Variants in STARD5 observed in about 807,000 individuals in gnomAD.
The protein encoded by STARD5 is StAR related lipid transfer domain containing 5, also known as stAR-related lipid transfer protein 5.
Under a neutral mutation model 24.6 loss-of-function variants are expected in STARD5, and 26 were observed. The observed-to-expected ratio is 1.06, with a 90% CI of 0.77 to 1.47. STARD5 has a LOEUF of 1.47. Among genes scored for constraint, STARD5 ranks in the 40% most tolerant of loss-of-function variants. The pLI is 0.00. For missense variants in STARD5, 254 were observed against 270.8 expected (o/e 0.94, Z 0.44); for synonymous variants, 101 against 99.7 (o/e 1.01, Z -0.07).
In STARD5 at chr15:81,319,296, G is replaced by A. The variant is rs118161618; in HGVS notation, c.400+43C>T. On this transcript the variant is annotated intron_variant, in intron 4 of 5. Coordinates refer to ENST00000302824, the MANE Select transcript of STARD5 (RefSeq NM_181900.3). ...CTGTGGGGTGCAGAAGAGAAAGCTC[G>A]ATATCGCAGGAAGGCATGGCAGCTC... 7.4e-3 allele frequency: 11,301 copies of A among 1,531,366 alleles called. 63 individuals are homozygous for A. The highest frequency in any genetic ancestry group is 9.4e-3 in the Middle Eastern group (56 of 5,928). 94.9% of individuals were successfully genotyped at this position (1,531,366 alleles called of 1,614,324 possible).
At chr15:81,321,746 A>G (rs1170986068) in intron 3 of STARD5, among the ~76,000 whole-genome samples, 2 of 152,204 alleles carry the variant, frequency 1.3e-5, no homozygotes, top group Admixed American at 6.5e-5. Flanking sequence ...TCAGAGGGCT[A>G]TGTGGAATGG....
intron 4 of STARD5, 44 bp downstream of exon 4, chr15:81,319,295 C>A: frequency 1.3e-6 from 2 of 1,532,794 alleles, no homozygotes; most frequent in South Asian, 2.2e-5. Flanking sequence ...AGAGAAAGCT[C>A]GATATCGCAG....
chr15:81,322,181 C>T (rs1010299007), intron 3 of STARD5, among the ~76,000 whole-genome samples: 4 of 152,206 alleles, frequency 2.6e-5, no homozygotes, highest in Non-Finnish European at 5.9e-5. Flanking sequence ...GTATGCTCCC[C>T]GCAGAGACTC....
intron 5 of STARD5, among the ~76,000 whole-genome samples, chr15:81,314,893 G>GAAAAAAAAAA (rs5814055): frequency 9.6e-6 from 1 of 104,024 alleles, no homozygotes; most frequent in Non-Finnish European, 1.9e-5. Flanking sequence ...CCTCAAAAAA[G>GAAAAAAAAAA]AAAAAAAAAA....
chr15:81,318,572 T>C (rs1341238115), intron 4 of STARD5, 70 bp from the exon 5 acceptor site: 8 of 1,398,838 alleles, frequency 5.7e-6, no homozygotes, highest in African/African-American at 4.3e-5. Context: ...TGGGGTGCCA[T>C]AGAGCACACA....
At chr15:81,313,995 CTT>C (rs1901007415) in intron 5 of STARD5, 1 of 152,066 alleles carries the variant, frequency 6.6e-6, no homozygotes, top group Non-Finnish European at 1.5e-5. Context: ...CAATGCCACT[CTT>C]TTCACAGTAT....
At chr15:81,314,745 G>A (rs1195842270) in intron 5 of STARD5, among the ~76,000 whole-genome samples, 1 of 152,046 alleles carries the variant, frequency 6.6e-6, no homozygotes, top group African/African-American at 2.4e-5. Flanking sequence ...AGTTAGCCAG[G>A]CATAGTGGCA....
intron 1 of STARD5, 85 bp from the exon 2 acceptor site, chr15:81,323,033 G>T (rs917711177): frequency 4.8e-6 from 7 of 1,469,974 alleles, no homozygotes; most frequent in Non-Finnish European, 6.6e-6. Context: ...CAGAAGAGGG[G>T]TAAGAGGCCT....
At chr15:81,314,898 A>AAG (rs1901044375) in intron 5 of STARD5, among the ~76,000 whole-genome samples, 1 of 147,858 alleles carries the variant, frequency 6.8e-6, no homozygotes, top group Non-Finnish European at 1.5e-5. Flanking sequence ...AAAAAGAAAA[A>AAG]AAAAAAAAAA....
In STARD5 at chr15:81,319,187, TC is replaced by T. The variant is rs1263692036; in HGVS notation, c.400+151del. The T allele has an allele frequency of 1.1e-5, 8 of 705,226 alleles. No individual in the cohort carries two copies. In the East Asian group the frequency reaches 1.8e-4, roughly 15 times the overall value. 43.7% of individuals were successfully genotyped at this position (705,226 alleles called of 1,614,324 possible). ...TGCGTCAGACCCCCATGGCCCTGAG[TC>T]CCCCCAAACCCAACCAGATGAGGTA... On this transcript the variant is annotated intron_variant, in intron 4 of 5. Transcript: ENST00000302824.
intron 5 of STARD5, chr15:81,313,772 A>G (rs1900993453): frequency 6.2e-6 from 1 of 161,046 alleles, no homozygotes; most frequent in East Asian, 1.7e-4. Context: ...AGGGTCTGCA[A>G]CCTCCTGGGG....
At chr15:81,321,407 C>T (rs372566375) in intron 3 of STARD5, among the ~76,000 whole-genome samples, 3 of 151,936 alleles carry the variant, frequency 2.0e-5, no homozygotes, top group Non-Finnish European at 2.9e-5. Flanking sequence ...GTCAAGAGAT[C>T]GAGACCATCC....
chr15:81,313,428 G>A, intron 5 of STARD5, 25 bp from the exon 6 acceptor site: 1 of 1,493,802 alleles, frequency 6.7e-7, no homozygotes, highest in Non-Finnish European at 8.9e-7. Context: ...GCAGAGCTGT[G>A]TTATGATCTG....
chr15:81,318,034 C>T (rs183152376), intron 5 of STARD5, among the ~76,000 whole-genome samples: 101 of 152,206 alleles, frequency 6.6e-4, no homozygotes, highest in African/African-American at 2.4e-3. Context: ...AGGGAGGACT[C>T]GGAGCACAGA....
intron 4 of STARD5, 35 bp from the exon 5 acceptor site, chr15:81,318,537 C>T (rs1279458027): frequency 1.3e-6 from 2 of 1,589,286 alleles, no homozygotes; most frequent in Non-Finnish European, 1.7e-6. Flanking sequence ...TGAGTTACAA[C>T]TTCAGACGGT....
chr15:81,322,278 G>T, intron 3 of STARD5, 130 bp downstream of exon 3: 3 of 1,232,872 alleles, frequency 2.4e-6, no homozygotes, highest in African/African-American at 1.5e-5. Flanking sequence ...GCAAGCAGTG[G>T]GCAGCCTGTG....
rs1160144511 is a variant in STARD5 at position 81,309,414 on chromosome 15, A to T, written c.*3842T>A. On this transcript the variant is annotated 3_prime_UTR_variant, in exon 6 of 6. Transcript: ENST00000302824. ...ACAACATGGTGTCTGGATTCCCAGG[A>T]TGAGCATCCCAGGATCGCAAGAGCC... The T allele has an allele frequency of 1.3e-5, 2 of 152,650 alleles. No homozygotes were observed. Among genetic ancestry groups the T allele is most frequent in the Admixed American group, 6.5e-5 (1 of 15,294 alleles). The allele number at this position is 152,650 out of a possible 1,614,324, so 9.5% of individuals were successfully genotyped here.
chr15:81,315,763 G>A (rs1901069184), intron 5 of STARD5, among the ~76,000 whole-genome samples: 1 of 152,142 alleles, frequency 6.6e-6, no homozygotes, highest in Non-Finnish European at 1.5e-5. Flanking sequence ...AGAGGAGAGA[G>A]AAGGCCCTAG....
intron 4 of STARD5, 46 bp from the exon 5 acceptor site, chr15:81,318,548 C>G (rs1901129907): frequency 1.9e-6 from 3 of 1,556,164 alleles, no homozygotes; most frequent in African/African-American, 2.7e-5. Flanking sequence ...TTCAGACGGT[C>G]AGGTCACTGC....
Sources: allele counts gnomAD v4.1 joint callset (sites outside exome capture counted in the v4.1 genomes callset), GRCh38; gene constraint gnomAD v4.1.1; transcripts MANE v1.5; gene names NCBI Gene and HGNC (gene_info 2026-07-23, HGNC 2026-07-21).